SLCO4A1: variants seen among roughly 807,000 people sequenced by gnomAD.
SLCO4A1 encodes colon organic anion transporter.
A neutral mutation model predicts 64.6 loss-of-function variants in SLCO4A1; 51 were observed. That is an observed-to-expected ratio of 0.79 (90% confidence interval 0.63 to 1.00). The LOEUF (loss-of-function observed/expected upper bound fraction) is 1.00. Ranked by LOEUF, SLCO4A1 falls within the 50% of genes least tolerant of loss-of-function variation. The probability of loss-of-function intolerance (pLI) is 0.00; values close to 1 mark genes in which losing one functional copy is unlikely to be tolerated. For missense variants in SLCO4A1, 919 were observed against 980.5 expected (o/e 0.94, Z 0.84); for synonymous variants, 471 against 444.9 (o/e 1.06, Z -0.74).
chr20:62,660,218 C>T lies in SLCO4A1; in HGVS notation c.888-194C>T, dbSNP rs146779974. Among the ~76,000 whole-genome samples, 1,027 of 152,312 alleles carry T rather than the reference C, an allele frequency of 6.7e-3. 10 individuals carry two copies. Among genetic ancestry groups the T allele is most frequent in the African/African-American group, 0.022 (915 of 41,564 alleles). ...CATCTGTCTTGGGGGACAGCTAAGC[C>T]AAGGTGGTGTTTGCTTTAGTCTGCA... is the stretch of plus-strand genomic sequence containing the variant. On this transcript the variant is annotated intron_variant, in intron 3 of 11. Transcript: ENST00000217159.
In SLCO4A1 at chr20:62,655,997, C is replaced by T. The variant is rs1007682729; in HGVS notation, c.-96-362C>T. On this transcript the variant is annotated intron_variant, in intron 1 of 11. Coordinates refer to ENST00000217159, the MANE Select transcript of SLCO4A1 (RefSeq NM_016354.4). ...ACCCCAGTGTCTGACTCGGCCTCTG[C>T]GTCTCAGCTCCACTCTCCACCGCGT... Among the ~76,000 whole-genome samples the T allele has an allele frequency of 6.6e-5, 10 of 152,226 alleles. 1 individual carries two copies. The highest frequency in any genetic ancestry group is 1.2e-4 in the African/African-American group (5 of 41,450).
Position 62,669,087 on chromosome 20 carries a change from G to T in SLCO4A1, c.2025+9G>T. 2 of 1,607,478 alleles carry T rather than the reference G, an allele frequency of 1.2e-6. No homozygotes were observed. On this transcript the variant is annotated intron_variant, in intron 11 of 11. Transcript: ENST00000217159. ...TGGGGCTCCTGTACAAGGTAAGCAG[G>T]CCCAGGGAGGGGACAGAGGGTCTGC...
chr20:62,669,251 G>T (rs188207071), intron 11 of SLCO4A1, among the ~76,000 whole-genome samples, 173 bp downstream of exon 11: 94 of 152,324 alleles, frequency 6.2e-4, no homozygotes, highest in Non-Finnish European at 1.2e-3. Flanking sequence ...GTGGGGAGAG[G>T]CAGGTGGGCT....
chr20:62,645,668 C>G lies in SLCO4A1; in HGVS notation c.-97+3115C>G, dbSNP rs1601601584. On this transcript the variant is annotated intron_variant, in intron 1 of 11. Transcript: ENST00000217159. This position sits in a 1 kb window ranked among gnomAD's most constrained non-coding sequence, Gnocchi z 4.2. ...GGAAGGTGACTGCTTTTTCAAACCA[C>G]GTGCCTTCTGCAGAAGCCGCTCCCC... 6.6e-6 allele frequency among the ~76,000 whole-genome samples: 1 copy of G among 151,946 alleles called. No homozygotes were observed.
At chr20:62,657,372 C>G in intron 2 of SLCO4A1, 122 bp downstream of exon 2, 1 of 950,308 alleles carries the variant, frequency 1.1e-6, no homozygotes. Context: ...TCTGCATGGC[C>G]CTGGGGCTGC....
At chr20:62,671,112 T>A (rs1047421920) in intron 11 of SLCO4A1, among the ~76,000 whole-genome samples, 5 of 152,210 alleles carry the variant, frequency 3.3e-5, no homozygotes, top group African/African-American at 1.2e-4. Flanking sequence ...ACCAAGACCC[T>A]GAAGGTTCAG....
Position 62,661,041 on chromosome 20 carries a change from C to CCCCCCCCCCCCCCCGCACAA in SLCO4A1, c.1010-23_1010-22insCCCCCCCCCCCCCCGCACAA. 1 of 1,424,144 alleles carries CCCCCCCCCCCCCCCGCACAA rather than the reference C, an allele frequency of 7.0e-7. No individual in the cohort carries two copies. Among genetic ancestry groups the CCCCCCCCCCCCCCCGCACAA allele is most frequent in the Non-Finnish European group, 9.9e-7 (1 of 1,010,142 alleles). The allele number at this position is 1,424,144 out of a possible 1,614,324, so 88.2% of individuals were successfully genotyped here. ...TCCGGGAGCCCCCAGCCCCCAGCCCCAGCTCACTCTGTGCCCTTCCAGGCT... is the reference window on the plus strand; with the variant it reads ...TCCGGGAGCCCCCAGCCCCCAGCCCCCCCCCCCCCCCCCCGCACAAAGCTCACTCTGTGCCCTTCCAGGCT... On this transcript the variant is annotated intron_variant, in intron 4 of 11. Transcript: ENST00000217159. This position sits in a 1 kb window ranked among gnomAD's most constrained non-coding sequence, Gnocchi z 5.2.
At chr20:62,674,903 G>A (rs144420635), downstream of SLCO4A1, among the ~76,000 whole-genome samples, 4 of 152,342 alleles carry the variant, frequency 2.6e-5, 1 homozygote, top group African/African-American at 4.8e-5. Context: ...AGCCTTGCTC[G>A]TGGGCTTCGG....
rs1272534866 is a variant in SLCO4A1 at position 62,653,473 on chromosome 20, A to G, written c.-96-2886A>G. Among the ~76,000 whole-genome samples, 3 of 152,250 alleles carry G rather than the reference A, an allele frequency of 2.0e-5. No individual in the cohort carries two copies. In the East Asian group the frequency reaches 5.8e-4, roughly 29 times the overall value. ...AAAACAAAACAAAACAAAAAAAGCCAGCAATTTGTCATCCCCAAATGCTGT... is the reference window on the plus strand; with the variant it reads ...AAAACAAAACAAAACAAAAAAAGCCGGCAATTTGTCATCCCCAAATGCTGT... On this transcript the variant is annotated intron_variant, in intron 1 of 11. Coordinates refer to ENST00000217159, the MANE Select transcript of SLCO4A1 (RefSeq NM_016354.4).
At chr20:62,658,378 G>C (rs1984136477) in intron 2 of SLCO4A1, among the ~76,000 whole-genome samples, 1 of 152,270 alleles carries the variant, frequency 6.6e-6, no homozygotes, top group Non-Finnish European at 1.5e-5. Flanking sequence ...ATTCCTGCCA[G>C]TGTCCATCTG....
At chr20:62,682,675 ACAG>A in intron 2 of SLCO4A1, among the ~76,000 whole-genome samples, 1 of 147,278 alleles carries the variant, frequency 6.8e-6, no homozygotes, top group Non-Finnish European at 1.5e-5. Context: ...ACACACACAC[ACAG>A]TTGTCATGCA....
chr20:62,682,513 A>G (rs1215199783), intron 2 of SLCO4A1, among the ~76,000 whole-genome samples: 2 of 152,158 alleles, frequency 1.3e-5, no homozygotes, highest in African/African-American at 4.8e-5. Context: ...GAGCATGGAG[A>G]CCACGGAGGG....
intron 2 of SLCO4A1, among the ~76,000 whole-genome samples, chr20:62,682,798 G>A (rs762252746): frequency 1.7e-4 from 26 of 152,248 alleles, no homozygotes; most frequent in Non-Finnish European, 2.8e-4. Flanking sequence ...CCCCGACTTA[G>A]TGTCCCCATC....
At chr20:62,660,269 C>T (rs1047799874) in intron 3 of SLCO4A1, 143 bp from the exon 4 acceptor site, 8 of 899,406 alleles carry the variant, frequency 8.9e-6, no homozygotes, top group Middle Eastern at 3.5e-4. Context: ...CTGTGGCCAG[C>T]AGCACCAGGG....
chr20:62,656,931 C>T lies in SLCO4A1; in HGVS notation c.477C>T (p.Phe159=), dbSNP rs754269214. Residue 159 remains phenylalanine (F), a synonymous_variant, in exon 2 of 12, where the codon TTC becomes TTT. Coordinates refer to ENST00000217159, the MANE Select transcript of SLCO4A1 (RefSeq NM_016354.4). ...YDIAACLCLT[F]VSYFGGSGHK... ...TTGCCGCCTGCCTCTGCCTCACCTT[C>T]GTCAGCTACTTCGGGGGCTCAGGGC... 4.0e-5 allele frequency: 62 copies of T among 1,564,758 alleles called. No homozygotes were observed. Among genetic ancestry groups the T allele is most frequent in the South Asian group, 3.8e-4 (32 of 84,274 alleles).
intron 5 of SLCO4A1, 67 bp from the exon 6 acceptor site, chr20:62,664,867 C>T: frequency 6.8e-7 from 1 of 1,467,846 alleles, no homozygotes; most frequent in South Asian, 1.3e-5. Flanking sequence ...AGTCTCTTCT[C>T]CACACCCCGA....
chr20:62,666,782 G>T (rs1025057591), intron 7 of SLCO4A1: 47 of 593,042 alleles, frequency 7.9e-5, no homozygotes, highest in Non-Finnish European at 1.1e-4. Context: ...CAGTGCCTGC[G>T]CTTGGGTCCC....
intron 1 of SLCO4A1, among the ~76,000 whole-genome samples, chr20:62,646,914 G>C (rs984935176): frequency 6.6e-6 from 1 of 152,334 alleles, no homozygotes; most frequent in East Asian, 1.9e-4. Flanking sequence ...TCCTCCCCAC[G>C]CTCCCAGGTT....
At chr20:62,689,979 C>T (rs1011749360), downstream of SLCO4A1, among the ~76,000 whole-genome samples, 6 of 152,234 alleles carry the variant, frequency 3.9e-5, no homozygotes, top group South Asian at 2.1e-4. Flanking sequence ...CTGCAGCCAG[C>T]GCCTGCACTC....
Sources: allele counts gnomAD v4.1 joint callset (sites outside exome capture counted in the v4.1 genomes callset), GRCh38; gene constraint gnomAD v4.1.1; non-coding constraint Gnocchi (gnomAD v3.1); transcripts MANE v1.5; gene names NCBI Gene and HGNC (gene_info 2026-07-23, HGNC 2026-07-21).